Variants in TBC1D15 observed in about 807,000 individuals in gnomAD.
TBC1D15 encodes the protein TBC1 domain family member 15.
A neutral mutation model predicts 95.4 loss-of-function variants in TBC1D15; 39 were observed. The ratio of observed to expected loss-of-function variants is 0.41; its 90% CI spans 0.32 to 0.53. TBC1D15 has a LOEUF of 0.53. Among genes scored for constraint, TBC1D15 ranks in the 20% least tolerant of loss-of-function variants. The pLI is 0.29. For synonymous variants in TBC1D15, 258 were observed against 261.3 expected (o/e 0.99, Z 0.12); for missense variants, 733 against 794.3 (o/e 0.92, Z 0.93).
intron 6 of TBC1D15, 120 bp downstream of exon 6, chr12:71,893,444 G>A: frequency 2.3e-6 from 1 of 441,492 alleles, no homozygotes; most frequent in Non-Finnish European, 3.9e-6. Flanking sequence ...ATAGATATGT[G>A]TGTGTGTGTG....
rs568022679 is a variant in TBC1D15 at position 71,923,451 on chromosome 12, T to C, written c.*247T>C. The C allele has an allele frequency of 6.9e-5, 27 of 390,114 alleles. No individual in the cohort carries two copies. The East Asian group carries it at 1.1e-3, about 16-fold the overall frequency. The allele number at this position is 390,114 out of a possible 1,614,324, so 24.2% of individuals were successfully genotyped here. On this transcript the variant is annotated 3_prime_UTR_variant, in exon 17 of 17. Coordinates refer to ENST00000485960, the MANE Select transcript of TBC1D15 (RefSeq NM_001146213.3). Reference sequence around the variant, plus strand: ...TTTTATAGCCAAGTACATTTTATTTTCTTGCTGATGAACTGGAATTGGATA... The same window carrying C: ...TTTTATAGCCAAGTACATTTTATTTCCTTGCTGATGAACTGGAATTGGATA...
At chr12:71,906,018 G>A (rs969389714) in intron 10 of TBC1D15, among the ~76,000 whole-genome samples, 3 of 151,922 alleles carry the variant, frequency 2.0e-5, no homozygotes, top group African/African-American at 4.8e-5. Context: ...GATTACAGAT[G>A]CACACCAGCA....
intron 5 of TBC1D15, among the ~76,000 whole-genome samples, chr12:71,888,209 C>T (rs1190958318): frequency 6.6e-6 from 1 of 152,160 alleles, no homozygotes; most frequent in Non-Finnish European, 1.5e-5. Flanking sequence ...TGGGGATGGG[C>T]ACACTGGCCT....
intron 3 of TBC1D15, among the ~76,000 whole-genome samples, chr12:71,877,794 T>C (rs1196151746): frequency 6.6e-6 from 1 of 152,194 alleles, no homozygotes; most frequent in African/African-American, 2.4e-5. Context: ...TAGATGTTTT[T>C]CATCTCCCTA....
At chr12:71,862,315 A>G (rs1236059692) in intron 1 of TBC1D15, among the ~76,000 whole-genome samples, 3 of 152,026 alleles carry the variant, frequency 2.0e-5, no homozygotes, top group Admixed American at 6.6e-5. Context: ...GAGTATAGCT[A>G]TCCCTTTAGA....
chr12:71,910,371 T>G (rs1482871728), intron 11 of TBC1D15, among the ~76,000 whole-genome samples: 1 of 150,008 alleles, frequency 6.7e-6, no homozygotes, highest in Admixed American at 6.6e-5. Context: ...ATATGAACTT[T>G]AAAGTAGTTT....
intron 1 of TBC1D15, among the ~76,000 whole-genome samples, chr12:71,864,380 C>T (rs557871073): frequency 9.2e-5 from 14 of 151,738 alleles, no homozygotes; most frequent in African/African-American, 3.1e-4. Context: ...TTTTTGTTTT[C>T]GTTTCATGTG....
intron 11 of TBC1D15, among the ~76,000 whole-genome samples, chr12:71,910,658 C>G (rs896886074): frequency 2.0e-5 from 3 of 152,108 alleles, no homozygotes; most frequent in African/African-American, 7.2e-5. Context: ...ATTTGGCTCT[C>G]TGTTTGTCTG....
chr12:71,876,684 T>G (rs575829176), intron 3 of TBC1D15, among the ~76,000 whole-genome samples: 1 of 152,272 alleles, frequency 6.6e-6, no homozygotes, highest in South Asian at 2.1e-4. Context: ...CAAAAACATT[T>G]CTTTTTTTTG....
At chr12:71,919,741 C>T (rs1002934871) in intron 14 of TBC1D15, among the ~76,000 whole-genome samples, 12 of 152,124 alleles carry the variant, frequency 7.9e-5, no homozygotes, top group African/African-American at 1.9e-4. Context: ...ATTATTGGAA[C>T]GCTAAGCATG....
chr12:71,893,652 G>A (rs1054592921), intron 6 of TBC1D15, among the ~76,000 whole-genome samples: 2 of 151,894 alleles, frequency 1.3e-5, no homozygotes, highest in African/African-American at 2.4e-5. Flanking sequence ...GAGTAGGCCA[G>A]TTTGAATTCA....
intron 1 of TBC1D15, among the ~76,000 whole-genome samples, chr12:71,865,574 G>C (rs2138196685): frequency 6.6e-6 from 1 of 152,250 alleles, no homozygotes; most frequent in East Asian, 1.9e-4. Context: ...CACAGCTGTG[G>C]TTTGGGCCCC....
chr12:71,849,465 C>T, intron 1 of TBC1D15: 1 of 973,932 alleles, frequency 1.0e-6, no homozygotes, highest in Non-Finnish European at 1.7e-6. Context: ...AGATTCCAAA[C>T]TCATTCCAAA....
At chr12:71,882,915 T>C (rs1895495040) in intron 4 of TBC1D15, among the ~76,000 whole-genome samples, 1 of 152,174 alleles carries the variant, frequency 6.6e-6, no homozygotes, top group South Asian at 2.1e-4. Flanking sequence ...TTCTTTTGTA[T>C]GTAATATATG....
chr12:71,850,920 G>A (rs1387606827), intron 1 of TBC1D15, among the ~76,000 whole-genome samples: 1 of 143,080 alleles, frequency 7.0e-6, no homozygotes, highest in Non-Finnish European at 1.5e-5. Flanking sequence ...CCGGGAGGCA[G>A]AGCTTGTGGT....
chr12:71,840,317 T>A (rs1218078809), intron 1 of TBC1D15, among the ~76,000 whole-genome samples: 2 of 152,224 alleles, frequency 1.3e-5, no homozygotes, highest in Non-Finnish European at 2.9e-5. Flanking sequence ...GTATTGGGTC[T>A]GTTTTTACCA....
rs1870376244 is a variant in TBC1D15 at position 71,924,152 on chromosome 12, T to C, written c.*948T>C. 1 of 152,628 alleles carries C rather than the reference T, an allele frequency of 6.6e-6. No homozygotes were observed. The highest frequency in any genetic ancestry group is 6.5e-5 in the Admixed American group (1 of 15,278). 9.5% of individuals were successfully genotyped at this position (152,628 alleles called of 1,614,324 possible). A position where few individuals can be genotyped will look rare whatever the true frequency, so the allele number is the denominator to read the frequency against. ...TTATTTGAAAAATTTCTAGATGGTC[T>C]CATGAGTTTCAAAATAATAATTTTT... On this transcript the variant is annotated 3_prime_UTR_variant, in exon 17 of 17. Coordinates refer to ENST00000485960, the MANE Select transcript of TBC1D15 (RefSeq NM_001146213.3).
At chr12:71,849,951 T>G (rs1032415037) in intron 1 of TBC1D15, 1 of 537,600 alleles carries the variant, frequency 1.9e-6, no homozygotes. Flanking sequence ...CTGAAGGGTG[T>G]TGATCCAGTA....
intron 1 of TBC1D15, among the ~76,000 whole-genome samples, chr12:71,850,984 C>CA (rs1206992856): frequency 0.14 from 6,268 of 46,176 alleles, 505 homozygotes; most frequent in South Asian, 0.18. Context: ...CACTCCATCT[C>CA]AAAAAAAAAA....
Sources: gnomAD v4.1 joint callset for allele counts (sites outside exome capture counted in the v4.1 genomes callset) on GRCh38, gnomAD v4.1.1 for gene constraint, MANE v1.5 for transcripts, NCBI Gene and HGNC (gene_info 2026-07-23, HGNC 2026-07-21) for gene names.